Variants in ROR1 observed in about 807,000 individuals in gnomAD.
ROR1 encodes the protein inactive tyrosine-protein kinase transmembrane receptor ROR1.
ROR1 carries 19 observed loss-of-function variants against 78.8 expected under a neutral mutation model. That is an observed-to-expected ratio of 0.24 (90% CI 0.17 to 0.35). ROR1 has a LOEUF of 0.35. Among genes scored for constraint, ROR1 ranks in the 10% least tolerant of loss-of-function variants. The pLI is 1.00. For missense variants in ROR1, 917 were observed against 1,177.8 expected, an observed-to-expected ratio of 0.78 and a Z score of 3.24; for synonymous variants, 386 against 433.6, an observed-to-expected ratio of 0.89 and a Z score of 1.36.
At chr1:64,083,760 G>A (rs896413022) in intron 4 of ROR1, among the ~76,000 whole-genome samples, 5 of 152,154 alleles carry the variant, frequency 3.3e-5, no homozygotes, top group East Asian at 1.9e-4. Flanking sequence ...TATAAGGGGT[G>A]AGAGTGAAGA....
intron 4 of ROR1, among the ~76,000 whole-genome samples, chr1:64,077,276 A>T (rs1647058073): frequency 6.6e-6 from 1 of 152,224 alleles, no homozygotes; most frequent in Non-Finnish European, 1.5e-5. Context: ...TTTGGCTCTG[A>T]TCACTCCATT....
At chr1:63,787,269 C>T (rs548379588) in intron 1 of ROR1, among the ~76,000 whole-genome samples, 14 of 152,320 alleles carry the variant, frequency 9.2e-5, no homozygotes, top group African/African-American at 3.1e-4. Flanking sequence ...CCAGTATTCT[C>T]ACATAGGCCG....
In ROR1 at chr1:63,800,963, G is replaced by T. The variant is rs925544677; in HGVS notation, c.91+26455G>T. On this transcript the variant is annotated intron_variant, in intron 1 of 8. Coordinates refer to ENST00000371079, the MANE Select transcript of ROR1 (RefSeq NM_005012.4). ...AAGTATATGTTGGGTATTTTGCTAG[G>T]TTTTTTTTTTTTGGTGAGGATTAAA... 2.1e-5 allele frequency among the ~76,000 whole-genome samples: 3 copies of T among 145,666 alleles called. No homozygotes were observed. In the Admixed American group the frequency reaches 2.1e-4, roughly 10 times the overall value.
At chr1:64,177,349 C>A in intron 8 of ROR1, 79 bp from the exon 9 acceptor site, 1 of 1,027,888 alleles carries the variant, frequency 9.7e-7, no homozygotes, top group Non-Finnish European at 1.5e-6. Flanking sequence ...TTTCTATATG[C>A]CCCGTCCCTC....
At position 64,108,156 on chromosome 1, in the gene ROR1, G is replaced by A. The variant is rs190022409; in HGVS notation, c.483-29213G>A. ...TCATGCCTGTAATCTCAGCACTTTG[G>A]GAGACCAAGGTGGGTGGATGGCCTG... On this transcript the variant is annotated intron_variant, in intron 4 of 8. Transcript: ENST00000371079. Among the ~76,000 whole-genome samples, 552 of 150,540 alleles carry A rather than the reference G, an allele frequency of 3.7e-3. 5 individuals are homozygous for A. The highest frequency in any genetic ancestry group is 0.013 in the African/African-American group (522 of 41,002).
intron 1 of ROR1, among the ~76,000 whole-genome samples, chr1:63,963,737 C>T (rs1241476023): frequency 6.6e-6 from 1 of 152,068 alleles, no homozygotes; most frequent in Non-Finnish European, 1.5e-5. Flanking sequence ...CCAAGAAGAT[C>T]CAAGTAGAAG....
intron 7 of ROR1, among the ~76,000 whole-genome samples, chr1:64,157,691 C>T (rs1003151774): frequency 2.6e-5 from 4 of 152,174 alleles, no homozygotes; most frequent in African/African-American, 9.7e-5. Context: ...GTCTTTTCAT[C>T]ACTATCTTTA....
At chr1:64,166,760 G>T (rs1013654013) in intron 8 of ROR1, among the ~76,000 whole-genome samples, 1 of 152,150 alleles carries the variant, frequency 6.6e-6, no homozygotes, top group South Asian at 2.1e-4. Context: ...CATCCTGTTA[G>T]CATACATTCT....
At chr1:63,962,494 T>G (rs544740862) in intron 1 of ROR1, among the ~76,000 whole-genome samples, 1 of 152,256 alleles carries the variant, frequency 6.6e-6, no homozygotes, top group Admixed American at 6.5e-5. Flanking sequence ...AGTACAGAAC[T>G]GCTAAGGGAG....
rs145425671 is a variant in ROR1 at position 63,934,806 on chromosome 1, C to G, written c.92-74499C>G. On this transcript the variant is annotated intron_variant, in intron 1 of 8. Transcript: ENST00000371079. Reference sequence around the variant, plus strand: ...TGAGAAGATCCTGTAAGAGACAGGTCTGTGGGGTCAAATTGGCCTTTCAGA... The same window carrying G: ...TGAGAAGATCCTGTAAGAGACAGGTGTGTGGGGTCAAATTGGCCTTTCAGA... 2.5e-4 allele frequency among the ~76,000 whole-genome samples: 38 copies of G among 152,200 alleles called. No homozygotes were observed. The East Asian group carries it at 7.0e-3, about 28-fold the overall frequency.
At chr1:63,983,434 G>C (rs1042308843) in intron 1 of ROR1, among the ~76,000 whole-genome samples, 1 of 152,158 alleles carries the variant, frequency 6.6e-6, no homozygotes, top group Non-Finnish European at 1.5e-5. Flanking sequence ...TAGGGGAAGC[G>C]GGACCCCTCT....
At chr1:63,939,781 T>G (rs1237235814) in intron 1 of ROR1, among the ~76,000 whole-genome samples, 4 of 152,180 alleles carry the variant, frequency 2.6e-5, no homozygotes, top group African/African-American at 9.7e-5. Flanking sequence ...GCTCCATTTC[T>G]CCTTCTCTTT....
intron 1 of ROR1, among the ~76,000 whole-genome samples, chr1:63,794,671 A>G (rs1644748317): frequency 6.6e-6 from 1 of 152,236 alleles, no homozygotes; most frequent in Non-Finnish European, 1.5e-5. Context: ...CATCTGTAAA[A>G]TGCAGTGGCT....
At chr1:64,153,980 G>A (rs1649700894) in intron 7 of ROR1, among the ~76,000 whole-genome samples, 1 of 152,178 alleles carries the variant, frequency 6.6e-6, no homozygotes. Flanking sequence ...GGCCCTGAGA[G>A]TTTACAGAAA....
At chr1:63,921,261 C>T (rs1205535818) in intron 1 of ROR1, among the ~76,000 whole-genome samples, 8 of 152,056 alleles carry the variant, frequency 5.3e-5, no homozygotes, top group African/African-American at 1.2e-4. Flanking sequence ...GCGTTTGGAT[C>T]GCCTGGGAAT....
intron 4 of ROR1, among the ~76,000 whole-genome samples, chr1:64,110,132 A>T (rs1298974841): frequency 6.6e-6 from 1 of 152,154 alleles, no homozygotes; most frequent in African/African-American, 2.4e-5. Flanking sequence ...ACTCTTAATC[A>T]AATATTCGTG....
intron 1 of ROR1, among the ~76,000 whole-genome samples, chr1:63,804,021 T>C (rs1318411136): frequency 6.6e-6 from 1 of 152,142 alleles, no homozygotes; most frequent in Non-Finnish European, 1.5e-5. Flanking sequence ...TTTGAGATTA[T>C]GCTGAGTAAT....
At chr1:64,128,826 T>C (rs1000162487) in intron 4 of ROR1, among the ~76,000 whole-genome samples, 3 of 151,996 alleles carry the variant, frequency 2.0e-5, no homozygotes, top group Middle Eastern at 3.2e-3. Context: ...TGGCAGGGCA[T>C]GAGGTCAGAG....
intron 1 of ROR1, among the ~76,000 whole-genome samples, chr1:63,939,810 A>G (rs955563172): frequency 6.6e-6 from 1 of 152,152 alleles, no homozygotes; most frequent in African/African-American, 2.4e-5. Flanking sequence ...TTTTGAGTTA[A>G]TGCATTCAGC....
Sources: allele counts gnomAD v4.1 joint callset (sites outside exome capture counted in the v4.1 genomes callset), GRCh38; gene constraint gnomAD v4.1.1; transcripts MANE v1.5; gene names NCBI Gene and HGNC (gene_info 2026-07-23, HGNC 2026-07-21).